GABRA2: variants seen among roughly 807,000 people sequenced by gnomAD.
GABRA2 encodes gamma-aminobutyric acid type A receptor subunit alpha2.
GABRA2 carries 16 observed loss-of-function variants against 48.7 expected under a neutral mutation model. The ratio of observed to expected loss-of-function variants is 0.33; its 90% confidence interval spans 0.22 to 0.50. GABRA2 has a LOEUF of 0.50. Ranked by LOEUF, GABRA2 falls within the 20% of genes least tolerant of loss-of-function variation. The probability of loss-of-function intolerance (pLI) is 0.98; values close to 1 mark genes in which losing one functional copy is unlikely to be tolerated. For missense variants in GABRA2, 275 were observed against 535.6 expected, an observed-to-expected ratio of 0.51 and a Z score of 4.80; for synonymous variants, 185 against 184.5, an observed-to-expected ratio of 1.00 and a Z score of -0.02.
At chr4:46,332,982 A>G (rs1731628116) in intron 3 of GABRA2, among the ~76,000 whole-genome samples, 1 of 152,102 alleles carries the variant, frequency 6.6e-6, no homozygotes, top group Non-Finnish European at 1.5e-5. Flanking sequence ...AAACATCTTA[A>G]GTGAAATAGT....
At chr4:46,341,735 T>A (rs979597192) in intron 3 of GABRA2, among the ~76,000 whole-genome samples, 1 of 152,058 alleles carries the variant, frequency 6.6e-6, no homozygotes, top group African/African-American at 2.4e-5. Context: ...TAAGTCATTT[T>A]CAGGCAATTC....
In GABRA2 at chr4:46,303,764, C is replaced by T; in HGVS notation, c.704-152G>A. 5 of 678,846 alleles carry T rather than the reference C, an allele frequency of 7.4e-6. No individual in the cohort carries two copies. In the South Asian group the frequency reaches 8.1e-5, roughly 11 times the overall value. 42.1% of individuals were successfully genotyped at this position (678,846 alleles called of 1,614,324 possible). On this transcript the variant is annotated intron_variant, in intron 7 of 9. Transcript: ENST00000381620. ...AAATTTATATCACTTTTAAAAGCCT[C>T]CTTAGCATAGCATGAGTGTTTAGAA...
chr4:46,278,551 C>T (rs956391233), intron 8 of GABRA2, among the ~76,000 whole-genome samples: 1 of 152,124 alleles, frequency 6.6e-6, no homozygotes, highest in East Asian at 1.9e-4. Context: ...TCATGACCCT[C>T]TTTATGGTAC....
chr4:46,283,403 C>A (rs1488204750), intron 8 of GABRA2, among the ~76,000 whole-genome samples: 49 of 152,158 alleles, frequency 3.2e-4, no homozygotes, highest in Non-Finnish European at 2.9e-5. Context: ...AAAATAGACA[C>A]CGAATGCCTG....
chr4:46,272,061 A>G (rs1002502150), intron 8 of GABRA2, among the ~76,000 whole-genome samples: 21 of 151,808 alleles, frequency 1.4e-4, no homozygotes, highest in African/African-American at 4.8e-4. Flanking sequence ...GAATACACCA[A>G]TTAACAAAAT....
chr4:46,338,852 T>C (rs183909688), intron 3 of GABRA2, among the ~76,000 whole-genome samples: 3 of 152,032 alleles, frequency 2.0e-5, no homozygotes, highest in East Asian at 1.9e-4. Flanking sequence ...AGAGTATAAA[T>C]AGACAGCTAC....
rs1047988384 is a variant in GABRA2, at chr4:46,249,118, G to C, written c.*1190C>G. ...ATTGGTGATGTTTTAAAGTTGCAGT[G>C]TAAAAATGTTCAACCCTTACCAAAA... On this transcript the variant is annotated 3_prime_UTR_variant, in exon 10 of 10. Transcript: ENST00000381620. The C allele has an allele frequency of 6.7e-6, 1 of 150,232 alleles. No individual in the cohort carries two copies. The highest frequency in any genetic ancestry group is 1.5e-5 in the Non-Finnish European group (1 of 67,400). 9.3% of individuals were successfully genotyped at this position (150,232 alleles called of 1,614,324 possible). A position where few individuals can be genotyped will look rare whatever the true frequency, so the allele number is the denominator to read the frequency against.
chr4:46,289,737 G>C (rs1019325446), intron 8 of GABRA2, among the ~76,000 whole-genome samples: 4 of 151,888 alleles, frequency 2.6e-5, no homozygotes, highest in Non-Finnish European at 4.4e-5. Flanking sequence ...TCAATTGTCC[G>C]TACATGTTTG....
At chr4:46,286,981 T>C (rs1722665635) in intron 8 of GABRA2, among the ~76,000 whole-genome samples, 1 of 152,182 alleles carries the variant, frequency 6.6e-6, no homozygotes, top group Non-Finnish European at 1.5e-5. Flanking sequence ...TTATTTCTGC[T>C]TGTGCTTTTG....
At chr4:46,359,671 A>C (rs887238526) in intron 3 of GABRA2, among the ~76,000 whole-genome samples, 1 of 152,102 alleles carries the variant, frequency 6.6e-6, no homozygotes, top group African/African-American at 2.4e-5. Flanking sequence ...TCAAAACTTA[A>C]AGAATTGTAA....
intron 6 of GABRA2, among the ~76,000 whole-genome samples, chr4:46,307,482 T>C (rs1467618785): frequency 1.3e-5 from 2 of 151,750 alleles, no homozygotes; most frequent in East Asian, 1.9e-4. Flanking sequence ...TTTTGAATTA[T>C]AATGTTTCTT....
rs1296574558 is a variant in GABRA2 at position 46,250,282 on chromosome 4, A to C, written c.*26T>G. On this transcript the variant is annotated 3_prime_UTR_variant, in exon 10 of 10. Transcript: ENST00000381620. ...CAAACCAAATTTAATGTTGCTATAC[A>C]TCCCAAAGATAACATGGGTCTCAAT... 1 of 1,585,622 alleles carries C rather than the reference A, an allele frequency of 6.3e-7. No individual in the cohort carries two copies. The highest frequency in any genetic ancestry group is 1.4e-5 in the African/African-American group (1 of 73,510).
At chr4:46,325,667 T>C (rs1479200779) in intron 4 of GABRA2, among the ~76,000 whole-genome samples, 1 of 152,012 alleles carries the variant, frequency 6.6e-6, no homozygotes, top group Admixed American at 6.6e-5. Context: ...AGGTTCAGAA[T>C]GGCATTTCCT....
In GABRA2 at chr4:46,303,623, A is replaced by C; in HGVS notation, c.704-11T>G. On this transcript the variant is annotated splice_polypyrimidine_tract_variant and intron_variant, in intron 7 of 9. Coordinates refer to ENST00000381620, the MANE Select transcript of GABRA2 (RefSeq NM_000807.4). ...TTACAGTATATTCACCTGGAAGAAA[A>C]ATTTAAGAAGCTCAAGGAGTAATAG... 1.2e-6 allele frequency: 2 copies of C among 1,610,992 alleles called. No homozygotes were observed. The highest frequency in any genetic ancestry group is 8.5e-7 in the Non-Finnish European group (1 of 1,177,476).
intron 4 of GABRA2, among the ~76,000 whole-genome samples, chr4:46,321,224 C>T (rs1729395227): frequency 6.6e-6 from 1 of 151,726 alleles, no homozygotes. Context: ...TTGGCAGTTA[C>T]TGCGGTGGGA....
intron 4 of GABRA2, among the ~76,000 whole-genome samples, chr4:46,316,738 T>C (rs572469422): frequency 6.6e-6 from 1 of 152,084 alleles, no homozygotes; most frequent in South Asian, 2.1e-4. Flanking sequence ...ATAATATATG[T>C]TCATGTTTAT....
intron 2 of GABRA2, 62 bp from the exon 3 acceptor site, chr4:46,386,251 G>T: frequency 1.0e-6 from 1 of 962,438 alleles, no homozygotes; most frequent in Non-Finnish European, 1.6e-6. Context: ...ATGCCAACAT[G>T]CTTTTCTTCC....
chr4:46,389,932 C>G lies in GABRA2; in HGVS notation c.-208G>C. The G allele has an allele frequency of 2.0e-6, 2 of 986,354 alleles. No homozygotes were observed. Among genetic ancestry groups the G allele is most frequent in the Non-Finnish European group, 2.4e-6 (2 of 831,574 alleles). 61.1% of individuals were successfully genotyped at this position (986,354 alleles called of 1,614,324 possible). On this transcript the variant is annotated 5_prime_UTR_variant, in exon 1 of 10. Coordinates refer to ENST00000381620, the MANE Select transcript of GABRA2 (RefSeq NM_000807.4). ...GAAGCCGGAGAGGAGCGCTAGGAGCCGCGGCGGCGGCGCGAGGTGTAGAAG... is the reference window on the plus strand; with the variant it reads ...GAAGCCGGAGAGGAGCGCTAGGAGCGGCGGCGGCGGCGCGAGGTGTAGAAG...
chr4:46,372,413 A>G (rs1715040427), intron 3 of GABRA2, among the ~76,000 whole-genome samples: 1 of 152,292 alleles, frequency 6.6e-6, no homozygotes, highest in South Asian at 2.1e-4. Flanking sequence ...TAGATAGGAT[A>G]GTTGGAGCTG....
Sources: gnomAD v4.1 joint callset for allele counts (sites outside exome capture counted in the v4.1 genomes callset) on GRCh38, gnomAD v4.1.1 for gene constraint, MANE v1.5 for transcripts, NCBI Gene and HGNC (gene_info 2026-07-23, HGNC 2026-07-21) for gene names.